Variants in PLCB1 observed in about 807,000 individuals in gnomAD.
PLCB1 encodes the protein 1-phosphatidylinositol 4,5-bisphosphate phosphodiesterase beta-1.
In PLCB1, 46 loss-of-function variants were observed where a neutral mutation model predicts 161.8. That is an observed-to-expected ratio of 0.28 (90% confidence interval 0.22 to 0.36). The LOEUF is 0.36. PLCB1 is among the 10% of genes least tolerant of loss of function. The pLI, the probability that PLCB1 is intolerant of heterozygous loss-of-function variation, is 1.00. For missense variants in PLCB1, 1,016 were observed against 1,472.5 expected, an observed-to-expected ratio of 0.69 and a Z score of 5.07; for synonymous variants, 517 against 503.7, an observed-to-expected ratio of 1.03 and a Z score of -0.35.
rs377762613 is a variant in PLCB1, at chr20:8,727,410, G to C, written c.1763+17G>C. On this transcript the variant is annotated intron_variant, in intron 17 of 31. Coordinates refer to ENST00000338037, the MANE Select transcript of PLCB1 (RefSeq NM_015192.4). ...ATTTGTAGAGTATCCTTGATTTGAC[G>C]AATGACTGCAGAATGAACACAGCTG... The C allele has an allele frequency of 1.5e-6, 2 of 1,321,498 alleles. No homozygotes were observed. The highest frequency in any genetic ancestry group is 2.2e-6 in the Non-Finnish European group (2 of 918,134). 81.9% of individuals were successfully genotyped at this position (1,321,498 alleles called of 1,614,324 possible). A position where few individuals can be genotyped will look rare whatever the true frequency, so the allele number is the denominator to read the frequency against.
intron 2 of PLCB1, among the ~76,000 whole-genome samples, 188 bp downstream of exon 2, chr20:8,150,559 T>C (rs2051499566): frequency 6.6e-6 from 1 of 152,184 alleles, no homozygotes; most frequent in Non-Finnish European, 1.5e-5. Flanking sequence ...TAGTTTGAAA[T>C]ATTAGATTTG....
intron 4 of PLCB1, among the ~76,000 whole-genome samples, chr20:8,632,500 A>C (rs1013656231): frequency 1.3e-5 from 2 of 152,170 alleles, no homozygotes; most frequent in Non-Finnish European, 2.9e-5. Context: ...CAATAAGTAA[A>C]ATAAAGAAGT....
At chr20:8,531,808 G>A (rs143870537) in intron 3 of PLCB1, among the ~76,000 whole-genome samples, 101 of 149,286 alleles carry the variant, frequency 6.8e-4, no homozygotes, top group Middle Eastern at 3.2e-3. Flanking sequence ...TTGTGATGAT[G>A]TTATATATCA....
In PLCB1 at chr20:8,282,311, A is replaced by G. The variant is rs148014459; in HGVS notation, c.178-89071A>G. On this transcript the variant is annotated intron_variant, in intron 2 of 31. Coordinates refer to ENST00000338037, the MANE Select transcript of PLCB1 (RefSeq NM_015192.4). ...TCATGCTTCTTTCCCTTATGATCCTATTCTTGACTTTTATTACCTCATTGG... is the reference window on the plus strand; with the variant it reads ...TCATGCTTCTTTCCCTTATGATCCTGTTCTTGACTTTTATTACCTCATTGG... Among the ~76,000 whole-genome samples the G allele has an allele frequency of 7.2e-5, 11 of 152,272 alleles. No homozygotes were observed. In the East Asian group the frequency reaches 2.1e-3, roughly 29 times the overall value.
chr20:8,463,555 A>T (rs1407117421), intron 3 of PLCB1, among the ~76,000 whole-genome samples: 1 of 152,116 alleles, frequency 6.6e-6, no homozygotes, highest in African/African-American at 2.4e-5. Context: ...ATGCTACTTG[A>T]AATGTATTTA....
At chr20:8,862,133 T>TA (rs1987278580) in intron 31 of PLCB1, among the ~76,000 whole-genome samples, 1 of 152,262 alleles carries the variant, frequency 6.6e-6, no homozygotes, top group African/African-American at 2.4e-5. Context: ...ATATATTTCC[T>TA]CTTGTAGAAT....
At chr20:8,581,787 A>C (rs1986841116) in intron 3 of PLCB1, among the ~76,000 whole-genome samples, 1 of 152,116 alleles carries the variant, frequency 6.6e-6, no homozygotes, top group Non-Finnish European at 1.5e-5. Flanking sequence ...GAGTATTTCT[A>C]CTCTGAATTC....
chr20:8,787,170 GA>G (rs1294816129), intron 27 of PLCB1, among the ~76,000 whole-genome samples: 1 of 152,160 alleles, frequency 6.6e-6, no homozygotes, highest in Non-Finnish European at 1.5e-5. Flanking sequence ...TTATTGTGTT[GA>G]AAGGAAAAGA....
intron 3 of PLCB1, among the ~76,000 whole-genome samples, chr20:8,550,949 C>T (rs927344533): frequency 2.0e-5 from 3 of 152,096 alleles, no homozygotes; most frequent in African/African-American, 7.2e-5. Context: ...TCTATCAGTT[C>T]ACCAATTTAG....
chr20:8,747,775 T>TAAATA (rs1287887023), intron 23 of PLCB1, among the ~76,000 whole-genome samples: 2 of 152,114 alleles, frequency 1.3e-5, no homozygotes, highest in East Asian at 1.9e-4. Flanking sequence ...CTCTTAAAAA[T>TAAATA]AAATAAAATA....
At chr20:8,185,145 G>A (rs1004574264) in intron 2 of PLCB1, among the ~76,000 whole-genome samples, 8 of 152,120 alleles carry the variant, frequency 5.3e-5, no homozygotes, top group Admixed American at 5.2e-4. Flanking sequence ...TTAAGGCTGT[G>A]GGGAAACAGG....
chr20:8,848,085 T>A (rs1033836906), intron 31 of PLCB1, among the ~76,000 whole-genome samples: 1 of 152,092 alleles, frequency 6.6e-6, no homozygotes, highest in Non-Finnish European at 1.5e-5. Context: ...TTAATCACAC[T>A]CATGAAAAAG....
chr20:8,331,213 C>T (rs1031669103), intron 2 of PLCB1, among the ~76,000 whole-genome samples: 3 of 152,190 alleles, frequency 2.0e-5, no homozygotes, highest in African/African-American at 4.8e-5. Context: ...AGAAAGTGGT[C>T]TGAGGACCCA....
intron 3 of PLCB1, among the ~76,000 whole-genome samples, chr20:8,523,496 C>CTCTCTCTCTCTCTCTCTCTCTA: frequency 8.7e-4 from 45 of 51,642 alleles, no homozygotes; most frequent in Non-Finnish European, 1.3e-3. Flanking sequence ...CTCTCTCTCT[C>CTCTCTCTCTCTCTCTCTCTCTA]TATATATATA....
At chr20:8,249,226 T>G (rs1475200235) in intron 2 of PLCB1, among the ~76,000 whole-genome samples, 1 of 151,996 alleles carries the variant, frequency 6.6e-6, no homozygotes, top group Non-Finnish European at 1.5e-5. Flanking sequence ...AATAGAAGAT[T>G]TCCAAAACGC....
At chr20:8,719,356 C>A (rs1237908555) in intron 14 of PLCB1, among the ~76,000 whole-genome samples, 1 of 152,122 alleles carries the variant, frequency 6.6e-6, no homozygotes, top group Non-Finnish European at 1.5e-5. Context: ...GAGACACGTA[C>A]AAGAATTGCT....
rs569003469 is a variant in PLCB1 at position 8,317,225 on chromosome 20, G to C, written c.178-54157G>C. On this transcript the variant is annotated intron_variant, in intron 2 of 31. Transcript: ENST00000338037. Reference sequence around the variant, plus strand: ...TGTGGATAATAGAATGCATAAAAGTGCTTTAGAAACACATAAAGTTCTCAC... The same window carrying C: ...TGTGGATAATAGAATGCATAAAAGTCCTTTAGAAACACATAAAGTTCTCAC... Among the ~76,000 whole-genome samples the C allele has an allele frequency of 1.2e-4, 18 of 152,226 alleles. 1 individual carries two copies. Among genetic ancestry groups the C allele is most frequent in the Admixed American group, 3.9e-4 (6 of 15,292 alleles).
rs144394864 is a variant in PLCB1, at chr20:8,684,645, G to A, written c.863-287G>A. Reference sequence around the variant, plus strand: ...TAAGCACTGATAACATTTTAGTGCCGATCCATAAAGTTAATACCAGTCTTA... The same window carrying A: ...TAAGCACTGATAACATTTTAGTGCCAATCCATAAAGTTAATACCAGTCTTA... On this transcript the variant is annotated intron_variant, in intron 9 of 31. Coordinates refer to ENST00000338037, the MANE Select transcript of PLCB1 (RefSeq NM_015192.4). 9.9e-4 allele frequency among the ~76,000 whole-genome samples: 150 copies of A among 152,160 alleles called. 1 individual carries two copies. The East Asian group carries it at 0.024, about 25-fold the overall frequency.
chr20:8,265,792 C>T (rs1981925822), intron 2 of PLCB1, among the ~76,000 whole-genome samples: 1 of 152,030 alleles, frequency 6.6e-6, no homozygotes, highest in African/African-American at 2.4e-5. Flanking sequence ...AAAGCAGGTG[C>T]CAACACAGCA....
Sources: gnomAD v4.1 joint callset for allele counts (sites outside exome capture counted in the v4.1 genomes callset) on GRCh38, gnomAD v4.1.1 for gene constraint, MANE v1.5 for transcripts, NCBI Gene and HGNC (gene_info 2026-07-23, HGNC 2026-07-21) for gene names.